The following BTLA variants were observed in gnomAD, a reference collection of about 807,000 sequenced individuals.
The protein encoded by BTLA is B and T lymphocyte associated.
A neutral mutation model predicts 25.0 loss-of-function variants in BTLA; 11 were observed. The observed-to-expected ratio is 0.44, with a 90% CI of 0.28 to 0.73. The LOEUF (loss-of-function observed/expected upper bound fraction) is 0.73, where lower values mean the gene tolerates loss of function less well. Ranked by LOEUF, BTLA falls within the 30% of genes least tolerant of loss-of-function variation. The pLI is 0.15. For synonymous variants in BTLA, 104 were observed against 119.8 expected (o/e 0.87, Z 0.86); for missense variants, 282 against 332.8 (o/e 0.85, Z 1.19).
intron 1 of BTLA, among the ~76,000 whole-genome samples, chr3:112,490,627 A>G (rs2082374888): frequency 1.3e-5 from 2 of 151,730 alleles, no homozygotes; most frequent in Admixed American, 1.3e-4. Flanking sequence ...ACACACACAC[A>G]CACACACACA....
At chr3:112,492,387 T>C (rs960455839) in intron 1 of BTLA, among the ~76,000 whole-genome samples, 3 of 152,174 alleles carry the variant, frequency 2.0e-5, no homozygotes, top group Non-Finnish European at 4.4e-5. Context: ...GGAAGAAACA[T>C]AGGGCAGCAA....
intron 1 of BTLA, among the ~76,000 whole-genome samples, chr3:112,488,659 G>T (rs1023869806): frequency 2.6e-5 from 4 of 152,210 alleles, no homozygotes; most frequent in African/African-American, 9.6e-5. Flanking sequence ...TGTCACCCAG[G>T]CTGGAGTGCA....
At chr3:112,490,821 A>C (rs544484390) in intron 1 of BTLA, among the ~76,000 whole-genome samples, 1 of 152,082 alleles carries the variant, frequency 6.6e-6, no homozygotes, top group East Asian at 1.9e-4. Context: ...CCCTTCTTAT[A>C]AAAACATATC....
Position 112,472,194 on chromosome 3 carries a change from A to G in BTLA, c.404-839T>C, listed in dbSNP as rs565901860. Among the ~76,000 whole-genome samples, 5 of 152,256 alleles carry G rather than the reference A, an allele frequency of 3.3e-5. No homozygotes were observed. In the East Asian group the frequency reaches 5.8e-4, roughly 18 times the overall value. On this transcript the variant is annotated intron_variant, in intron 2 of 4. Transcript: ENST00000334529. ...GATTCTGCTAAACACCCTACACTAT[A>G]CAGGATGCAACCCCCACTTAGTGCA...
At chr3:112,494,530 A>T (rs1163490326) in intron 1 of BTLA, among the ~76,000 whole-genome samples, 1 of 152,208 alleles carries the variant, frequency 6.6e-6, no homozygotes, top group Non-Finnish European at 1.5e-5. Flanking sequence ...ATAGACTGGA[A>T]AAAGAAAATA....
rs577361320 is a variant in BTLA, at chr3:112,473,520, A to G, written c.404-2165T>C. Among the ~76,000 whole-genome samples the G allele has an allele frequency of 2.0e-5, 3 of 152,194 alleles. No homozygotes were observed. The East Asian group carries it at 5.8e-4, about 29-fold the overall frequency. ...AGCAGGTGCTCCAAATCAGGGTGGA[A>G]GCCCACAAGGACTTCCTGCCCTCTC... On this transcript the variant is annotated intron_variant, in intron 2 of 4. Transcript: ENST00000334529.
chr3:112,496,232 T>A (rs943870591), intron 1 of BTLA, among the ~76,000 whole-genome samples: 4 of 152,108 alleles, frequency 2.6e-5, no homozygotes, highest in Admixed American at 6.5e-5. Flanking sequence ...CCACTTGCAG[T>A]CTAGATCTTG....
Position 112,466,268 on chromosome 3 carries a change from T to G in BTLA, c.710A>C (p.Gln237Pro). 6.2e-7 allele frequency: 1 copy of G among 1,614,114 alleles called. No homozygotes were observed. Among genetic ancestry groups the G allele is most frequent in the Non-Finnish European group, 8.5e-7 (1 of 1,179,996 alleles). ...ATTAGAATAAACTTCAGACCCTTCC[T>G]GCATCCTGAAACAAAGGTCAGGGTC... ...DNDPDLCFRM[Q>P]EGSEVYSNPC... is the part of the protein sequence containing the mutation. Residue 237 changes from glutamine to proline, a missense_variant, in exon 5 of 5, where the codon CAG becomes CCG. Transcript: ENST00000334529.
Position 112,464,206 on chromosome 3 carries a change from A to G in BTLA, c.*1902T>C. Reference sequence around the variant, plus strand: ...GATTTGTGATTTTGGCAAACAGTACAAATATATTAATACATCTTAGAGATG... The same window carrying G: ...GATTTGTGATTTTGGCAAACAGTACGAATATATTAATACATCTTAGAGATG... On this transcript the variant is annotated 3_prime_UTR_variant, in exon 5 of 5. Transcript: ENST00000334529. 2.5e-6 allele frequency: 1 copy of G among 397,912 alleles called. No individual in the cohort carries two copies. The highest frequency in any genetic ancestry group is 4.4e-6 in the Non-Finnish European group (1 of 225,626). The allele number at this position is 397,912 out of a possible 1,614,324, so 24.6% of individuals were successfully genotyped here. A position where few individuals can be genotyped will look rare whatever the true frequency, so the allele number is the denominator to read the frequency against.
chr3:112,494,782 G>A (rs900629007), intron 1 of BTLA, among the ~76,000 whole-genome samples: 11 of 152,060 alleles, frequency 7.2e-5, no homozygotes, highest in Admixed American at 2.0e-4. Flanking sequence ...AGGGAACTTA[G>A]AGGATGGGTC....
At chr3:112,497,608 C>T (rs1420589948) in intron 1 of BTLA, among the ~76,000 whole-genome samples, 4 of 152,024 alleles carry the variant, frequency 2.6e-5, no homozygotes, top group African/African-American at 9.7e-5. Context: ...TGACTGTAGG[C>T]ATCTGATGGA....
chr3:112,487,788 A>G (rs1389402754), intron 1 of BTLA, among the ~76,000 whole-genome samples: 1 of 152,186 alleles, frequency 6.6e-6, no homozygotes, highest in Non-Finnish European at 1.5e-5. Flanking sequence ...TATTTTGGAT[A>G]TGATATAATC....
intron 4 of BTLA, among the ~76,000 whole-genome samples, chr3:112,468,102 C>T (rs1225720471): frequency 6.6e-6 from 1 of 152,216 alleles, no homozygotes; most frequent in Non-Finnish European, 1.5e-5. Flanking sequence ...AAACAGCAAT[C>T]CCACCTTACA....
In BTLA at chr3:112,499,363, T is replaced by G. The variant is rs950619873; in HGVS notation, c.-5A>C. The G allele has an allele frequency of 6.2e-7, 1 of 1,613,064 alleles. No individual in the cohort carries two copies. The highest frequency in any genetic ancestry group is 8.5e-7 in the Non-Finnish European group (1 of 1,179,468). ...CATGGCAGGCAATGTCTTCATTTCC[T>G]GCACATATCAGTGATGGAAAAACTG... On this transcript the variant is annotated 5_prime_UTR_variant, in exon 1 of 5. Transcript: ENST00000334529.
At chr3:112,482,448 T>C (rs2082323041) in intron 1 of BTLA, among the ~76,000 whole-genome samples, 1 of 152,246 alleles carries the variant, frequency 6.6e-6, no homozygotes, top group Admixed American at 6.5e-5. Flanking sequence ...TACATGTCTA[T>C]CCAGAACAAG....
intron 1 of BTLA, among the ~76,000 whole-genome samples, chr3:112,484,043 G>A (rs2082333027): frequency 6.6e-6 from 1 of 152,056 alleles, no homozygotes; most frequent in South Asian, 2.1e-4. Flanking sequence ...AAAGCTTCAT[G>A]GAAAGGCTAT....
intron 1 of BTLA, among the ~76,000 whole-genome samples, chr3:112,488,228 C>CTTTTTTT (rs546779181): frequency 1.0e-4 from 13 of 124,836 alleles, no homozygotes; most frequent in African/African-American, 1.5e-4. Context: ...TTTCTTTTTT[C>CTTTTTTT]TTTTTTTTTT....
At chr3:112,467,915 G>A (rs78059335) in intron 4 of BTLA, among the ~76,000 whole-genome samples, 2,672 of 152,252 alleles carry the variant, frequency 0.018, 78 homozygotes, top group East Asian at 0.072. Flanking sequence ...CTGTCAATTG[G>A]GTTCCCTGTC....
intron 1 of BTLA, among the ~76,000 whole-genome samples, chr3:112,483,378 CCTG>C (rs1559827580): frequency 2.0e-5 from 3 of 151,752 alleles, no homozygotes; most frequent in African/African-American, 7.3e-5. Context: ...GAACTCCCAA[CCTG>C]AGGTGATCAG....
Sources: allele counts gnomAD v4.1 joint callset (sites outside exome capture counted in the v4.1 genomes callset), GRCh38; gene constraint gnomAD v4.1.1; transcripts MANE v1.5; gene names NCBI Gene and HGNC (gene_info 2026-07-23, HGNC 2026-07-21).